ZNF420: variants seen among roughly 807,000 people sequenced by gnomAD.
ZNF420 encodes ATM and p53-associated KZNF protein.
ZNF420 carries 31 observed loss-of-function variants against 44.7 expected under a neutral mutation model. The ratio of observed to expected loss-of-function variants is 0.69; its 90% confidence interval spans 0.52 to 0.94. The LOEUF is 0.94. Ranked by LOEUF, ZNF420 falls within the 40% of genes least tolerant of loss-of-function variation. The pLI, the probability that ZNF420 is intolerant of heterozygous loss-of-function variation, is 0.00. For synonymous variants in ZNF420, 245 were observed against 267.4 expected, an observed-to-expected ratio of 0.92 and a Z score of 0.82; for missense variants, 681 against 827.9, an observed-to-expected ratio of 0.82 and a Z score of 2.18.
chr19:37,065,638 C>A (rs1324163892), intron 1 of ZNF420, among the ~76,000 whole-genome samples: 2 of 152,202 alleles, frequency 1.3e-5, no homozygotes, highest in Admixed American at 6.5e-5. Context: ...GCAGATTCTC[C>A]CTAGAGCCTC....
chr19:37,119,902 C>T (rs1487769650), intron 4 of ZNF420, among the ~76,000 whole-genome samples: 1 of 151,980 alleles, frequency 6.6e-6, no homozygotes, highest in African/African-American at 2.4e-5. Context: ...GACACATACA[C>T]CCTCCCAAGA....
upstream of ZNF420, among the ~76,000 whole-genome samples, chr19:37,077,358 C>G (rs1484363678): frequency 2.6e-5 from 4 of 152,066 alleles, no homozygotes; most frequent in African/African-American, 9.7e-5. Context: ...GCCTCTCAAC[C>G]GTACCCAGTA....
Position 37,089,021 on chromosome 19 carries a change from C to A in ZNF420, c.-80-18C>A. ...TTGCAAAACACCTGGTCTCATGGTT[C>A]TGCTTTCTCCTCCGTAGCTCTGCAT... On this transcript the variant is annotated intron_variant, in intron 2 of 4. Coordinates refer to ENST00000337995, the MANE Select transcript of ZNF420 (RefSeq NM_144689.5). The A allele has an allele frequency of 9.4e-7, 1 of 1,066,102 alleles. No individual in the cohort carries two copies. Among genetic ancestry groups the A allele is most frequent in the Non-Finnish European group, 1.5e-6 (1 of 682,080 alleles). The allele number at this position is 1,066,102 out of a possible 1,614,324, so 66.0% of individuals were successfully genotyped here.
In ZNF420 at chr19:37,127,330, A is replaced by G. The variant is rs1971404481; in HGVS notation, c.339A>G (p.Ile113Met). Residue 113 changes from isoleucine (I) to methionine (M), a missense_variant, in exon 5 of 5, where the codon ATA becomes ATG. Around this residue, in one of 3 missense-constraint regions of ZNF420, gnomAD observed 350 missense variants for 382.5 expected, o/e 0.92. Transcript: ENST00000337995. ...AATATTTCAGGCAAGGGATGATCAT[A>G]TATGACAAAATGTCCATTTTCAACC... is the stretch of plus-strand genomic sequence containing the variant. ...QKEYFRQGMI[I>M]YDKMSIFNQH... is the part of the protein sequence containing the mutation. 3.1e-6 allele frequency: 5 copies of G among 1,611,930 alleles called. No individual in the cohort carries two copies. Among genetic ancestry groups the G allele is most frequent in the East Asian group, 2.2e-5 (1 of 44,838 alleles).
chr19:37,094,116 G>T lies in ZNF420; in HGVS notation c.136+2995G>T, dbSNP rs187113188. ...ATGGTACATGAGTATCATATTTTTT[G>T]AAATTCTCTAGGTTTTTCAAATGTT... On this transcript the variant is annotated intron_variant, in intron 4 of 4. Coordinates refer to ENST00000337995, the MANE Select transcript of ZNF420 (RefSeq NM_144689.5). Among the ~76,000 whole-genome samples the T allele has an allele frequency of 7.6e-3, 1,160 of 152,164 alleles. 6 individuals carry two copies. Among genetic ancestry groups the T allele is most frequent in the Middle Eastern group, 0.034 (10 of 294 alleles).
At chr19:37,028,936 G>C (rs1314699538) in intron 1 of ZNF420, among the ~76,000 whole-genome samples, 1 of 5,454 alleles carries the variant, frequency 1.8e-4, no homozygotes, top group Non-Finnish European at 3.1e-4. Flanking sequence ...AGTGAACTTA[G>C]GTGTTTTGTT....
At chr19:37,078,889 GTGTT>G (rs1968266018) in intron 1 of ZNF420, among the ~76,000 whole-genome samples, 1 of 152,164 alleles carries the variant, frequency 6.6e-6, no homozygotes. Context: ...TGTGACAAGA[GTGTT>G]TGGATGTTCT....
intron 1 of ZNF420, among the ~76,000 whole-genome samples, chr19:37,013,350 T>G (rs1446751980): frequency 6.6e-6 from 1 of 152,172 alleles, no homozygotes; most frequent in Admixed American, 6.5e-5. Context: ...GTGCAGGTTC[T>G]CACGTCTTAA....
intron 1 of ZNF420, among the ~76,000 whole-genome samples, chr19:37,012,496 G>A (rs543456572): frequency 1.5e-4 from 23 of 152,346 alleles, no homozygotes; most frequent in African/African-American, 4.8e-4. Flanking sequence ...GATGGTCTGC[G>A]GATGCCAAGA....
intron 4 of ZNF420, among the ~76,000 whole-genome samples, chr19:37,121,584 A>G (rs1397664513): frequency 1.1e-4 from 16 of 152,226 alleles, no homozygotes; most frequent in Non-Finnish European, 2.2e-4. Context: ...TCATGTCTCA[A>G]ACACCAAAAG....
At chr19:37,082,045 C>T (rs1968494551) in intron 2 of ZNF420, among the ~76,000 whole-genome samples, 1 of 151,968 alleles carries the variant, frequency 6.6e-6, no homozygotes, top group Non-Finnish European at 1.5e-5. Flanking sequence ...CATTGTGTGT[C>T]TTTTTCTATC....
intron 1 of ZNF420, among the ~76,000 whole-genome samples, chr19:37,048,619 C>T (rs943053800): frequency 2.6e-5 from 4 of 152,178 alleles, no homozygotes; most frequent in Non-Finnish European, 5.9e-5. Flanking sequence ...CTATCATCAC[C>T]AGCATCACAA....
intron 1 of ZNF420, among the ~76,000 whole-genome samples, chr19:37,015,878 C>T (rs138810080): frequency 3.7e-4 from 56 of 152,322 alleles, no homozygotes; most frequent in Admixed American, 2.0e-3. Flanking sequence ...TGATCCTGCG[C>T]GGGCTCTGGC....
At chr19:37,097,013 C>T (rs1307927030) in intron 4 of ZNF420, among the ~76,000 whole-genome samples, 2 of 151,868 alleles carry the variant, frequency 1.3e-5, no homozygotes, top group African/African-American at 4.8e-5. Flanking sequence ...ATTCTCCTGC[C>T]TCAGCCTCCC....
chr19:37,055,840 C>T (rs943256351), intron 1 of ZNF420, among the ~76,000 whole-genome samples: 2 of 152,164 alleles, frequency 1.3e-5, no homozygotes, highest in African/African-American at 2.4e-5. Context: ...AAAAGCAGCG[C>T]GGAATTCCAG....
intron 1 of ZNF420, among the ~76,000 whole-genome samples, chr19:37,021,632 A>G (rs1040323472): frequency 6.6e-6 from 1 of 152,132 alleles, no homozygotes; most frequent in Admixed American, 6.6e-5. Context: ...TAAGCTGGTT[A>G]CCACTTTGAA....
chr19:37,009,929 C>A (rs1193814903), intron 1 of ZNF420, among the ~76,000 whole-genome samples: 2 of 152,128 alleles, frequency 1.3e-5, no homozygotes, highest in Non-Finnish European at 2.9e-5. Flanking sequence ...CGCCCGCAGC[C>A]CCCACTCCCT....
At chr19:37,051,893 G>A (rs1034531700) in intron 1 of ZNF420, among the ~76,000 whole-genome samples, 1 of 152,280 alleles carries the variant, frequency 6.6e-6, no homozygotes, top group Non-Finnish European at 1.5e-5. Flanking sequence ...TGCTTTGAAT[G>A]TGTCCCAGAG....
intron 1 of ZNF420, among the ~76,000 whole-genome samples, chr19:37,010,320 C>G (rs2074558924): frequency 6.6e-6 from 1 of 152,168 alleles, no homozygotes; most frequent in South Asian, 2.1e-4. Flanking sequence ...ATCCCAGCCT[C>G]AACTGCCGGG....
Sources: gnomAD v4.1 joint callset for allele counts (sites outside exome capture counted in the v4.1 genomes callset) on GRCh38, gnomAD v4.1.1 for gene constraint, gnomAD v4.1.1 regional missense constraint, MANE v1.5 for transcripts, NCBI Gene and HGNC (gene_info 2026-07-23, HGNC 2026-07-21) for gene names.